Variants in TMEM117 observed in about 807,000 individuals in gnomAD.
TMEM117 encodes transmembrane protein 117.
A neutral mutation model predicts 52.4 loss-of-function variants in TMEM117; 27 were observed. That is an observed-to-expected ratio of 0.51 (90% CI 0.38 to 0.71). The LOEUF (loss-of-function observed/expected upper bound fraction) is 0.71. Among genes scored for constraint, TMEM117 ranks in the 30% least tolerant of loss-of-function variants. TMEM117 has a pLI of 0.00. For missense variants in TMEM117, 556 were observed against 630.5 expected (o/e 0.88, Z 1.26); for synonymous variants, 215 against 206.3 (o/e 1.04, Z -0.36).
At chr12:44,302,857 C>T (rs1481609588) in intron 6 of TMEM117, among the ~76,000 whole-genome samples, 1 of 152,180 alleles carries the variant, frequency 6.6e-6, no homozygotes, top group Non-Finnish European at 1.5e-5. Flanking sequence ...CTAACAAGTT[C>T]ACAACCAACT....
chr12:44,311,849 G>GTA (rs1565701745), intron 6 of TMEM117, among the ~76,000 whole-genome samples: 1 of 113,902 alleles, frequency 8.8e-6, no homozygotes, highest in African/African-American at 4.2e-5. Flanking sequence ...GTATATATAT[G>GTA]TATATATGTA....
At chr12:44,104,195 A>G (rs1947913158) in intron 3 of TMEM117, among the ~76,000 whole-genome samples, 1 of 152,074 alleles carries the variant, frequency 6.6e-6, no homozygotes, top group African/African-American at 2.4e-5. Context: ...TATTGTTGCT[A>G]TAAAGTAGAA....
chr12:43,804,504 T>G, the TMEM117 span: 1 of 1,586,920 alleles, frequency 6.3e-7, no homozygotes. Flanking sequence ...CCATTTTCAA[T>G]AGATATTTTC....
intron 3 of TMEM117, among the ~76,000 whole-genome samples, chr12:44,052,708 G>A (rs1397449751): frequency 6.6e-6 from 1 of 152,124 alleles, no homozygotes; most frequent in African/African-American, 2.4e-5. Context: ...TCTGACCCAG[G>A]GGAAATAGTC....
At chr12:43,894,873 A>G (rs1944171842) in intron 2 of TMEM117, among the ~76,000 whole-genome samples, 1 of 151,936 alleles carries the variant, frequency 6.6e-6, no homozygotes, top group Non-Finnish European at 1.5e-5. Context: ...AATAGAATTT[A>G]TGTGGCAATA....
At chr12:44,348,990 G>A (rs1951527923) in intron 6 of TMEM117, among the ~76,000 whole-genome samples, 2 of 151,946 alleles carry the variant, frequency 1.3e-5, no homozygotes, top group Non-Finnish European at 2.9e-5. Context: ...ACACCAGTGA[G>A]ATAATTAAAA....
the TMEM117 span, among the ~76,000 whole-genome samples, chr12:43,830,791 A>G: frequency 6.6e-6 from 1 of 152,184 alleles, no homozygotes; most frequent in Non-Finnish European, 1.5e-5. Context: ...ACATTTATGG[A>G]AAATTTAATA....
intron 6 of TMEM117, among the ~76,000 whole-genome samples, chr12:44,329,679 T>C (rs1951242762): frequency 6.6e-6 from 1 of 152,064 alleles, no homozygotes; most frequent in East Asian, 1.9e-4. Context: ...TTTCTCCCCT[T>C]GTGCCTGAGC....
chr12:44,021,811 A>C (rs1442922348), intron 3 of TMEM117, among the ~76,000 whole-genome samples: 1 of 152,096 alleles, frequency 6.6e-6, no homozygotes, highest in African/African-American at 2.4e-5. Flanking sequence ...TCTCCTTCTG[A>C]GTAGTGACCA....
chr12:43,907,670 A>T (rs1944417236), intron 2 of TMEM117, among the ~76,000 whole-genome samples: 1 of 151,656 alleles, frequency 6.6e-6, no homozygotes, highest in African/African-American at 2.4e-5. Flanking sequence ...TGGAGCTGAA[A>T]ACCAAGGCTC....
chr12:44,394,949 G>A, the TMEM117 span, among the ~76,000 whole-genome samples: 1 of 152,282 alleles, frequency 6.6e-6, no homozygotes, highest in East Asian at 1.9e-4. Flanking sequence ...TTAAAACAGT[G>A]TCAGGGTTTT....
At chr12:44,273,371 TAC>T (rs1950473251) in intron 5 of TMEM117, among the ~76,000 whole-genome samples, 2 of 149,418 alleles carry the variant, frequency 1.3e-5, no homozygotes, top group African/African-American at 5.0e-5. Context: ...ATAATAAATA[TAC>T]ATATATATAT....
chr12:44,221,685 G>A (rs1949790471), intron 5 of TMEM117, among the ~76,000 whole-genome samples: 1 of 151,810 alleles, frequency 6.6e-6, no homozygotes, highest in Non-Finnish European at 1.5e-5. Context: ...TAAATGTTTA[G>A]TTTTTTAGAT....
At chr12:44,125,941 T>G (rs1475223660) in intron 3 of TMEM117, among the ~76,000 whole-genome samples, 5 of 152,222 alleles carry the variant, frequency 3.3e-5, no homozygotes, top group Non-Finnish European at 7.3e-5. Flanking sequence ...TTCAAAGAAC[T>G]TCTTGATTTG....
At chr12:43,907,764 A>T (rs1004760697) in intron 2 of TMEM117, among the ~76,000 whole-genome samples, 4 of 150,960 alleles carry the variant, frequency 2.6e-5, no homozygotes, top group South Asian at 2.1e-4. Context: ...AGATGAAATG[A>T]ATGAAATGAA....
rs192708504 is a variant in TMEM117 at position 43,889,038 on chromosome 12, A to G, written c.277+44110A>G. ...GTGACCAGGGTTAGGGGAGCAGGAG[A>G]TGGTTGCAGGATGAAACTTGCACTT... On this transcript the variant is annotated intron_variant, in intron 2 of 7. Transcript: ENST00000266534. Among the ~76,000 whole-genome samples, 65 of 150,946 alleles carry G rather than the reference A, an allele frequency of 4.3e-4. No individual in the cohort carries two copies. The East Asian group carries it at 0.012, about 27-fold the overall frequency.
At chr12:43,935,208 C>T (rs1409288903) in intron 2 of TMEM117, among the ~76,000 whole-genome samples, 2 of 151,906 alleles carry the variant, frequency 1.3e-5, no homozygotes, top group Non-Finnish European at 2.9e-5. Context: ...TGCCAGGTTG[C>T]CCAGGCTTCT....
At chr12:44,149,129 A>C (rs1344291561) in intron 4 of TMEM117, among the ~76,000 whole-genome samples, 1 of 152,176 alleles carries the variant, frequency 6.6e-6, no homozygotes, top group Non-Finnish European at 1.5e-5. Flanking sequence ...TAAATGGCAA[A>C]GAGTATAAAG....
intron 4 of TMEM117, among the ~76,000 whole-genome samples, chr12:44,144,990 T>C (rs1011977545): frequency 1.3e-5 from 2 of 151,942 alleles, no homozygotes; most frequent in African/African-American, 4.8e-5. Flanking sequence ...ACCCCATCTC[T>C]ACTAAAAATA....
Sources: allele counts gnomAD v4.1 joint callset (sites outside exome capture counted in the v4.1 genomes callset), GRCh38; gene constraint gnomAD v4.1.1; transcripts MANE v1.5; gene names NCBI Gene and HGNC (gene_info 2026-07-23, HGNC 2026-07-21).